EPHA3: variants seen among roughly 807,000 people sequenced by gnomAD.
The protein encoded by EPHA3 is EPH receptor A3.
EPHA3 carries 42 observed loss-of-function variants against 107.1 expected under a neutral mutation model. The ratio of observed to expected loss-of-function variants is 0.39; its 90% CI spans 0.31 to 0.51. The LOEUF (loss-of-function observed/expected upper bound fraction) is 0.51. Ranked by LOEUF, EPHA3 falls within the 20% of genes least tolerant of loss-of-function variation. The probability of loss-of-function intolerance (pLI) is 0.78; values close to 1 mark genes in which losing one functional copy is unlikely to be tolerated. For missense variants in EPHA3, 1,183 were observed against 1,211.2 expected (o/e 0.98, Z 0.35); for synonymous variants, 461 against 424.8 (o/e 1.09, Z -1.05).
chr3:89,108,045 G>T (rs1707015918), intron 1 of EPHA3, among the ~76,000 whole-genome samples: 1 of 152,126 alleles, frequency 6.6e-6, no homozygotes, highest in South Asian at 2.1e-4. Context: ...CTTTGAAAAT[G>T]TGTTTTTAAT....
intron 2 of EPHA3, among the ~76,000 whole-genome samples, chr3:89,182,431 T>C (rs1705461487): frequency 6.6e-6 from 1 of 151,970 alleles, no homozygotes; most frequent in African/African-American, 2.4e-5. Context: ...TAGGAATGCA[T>C]TGATAGCTTG....
At chr3:89,321,765 A>C (rs191206941) in intron 3 of EPHA3, among the ~76,000 whole-genome samples, 1 of 152,222 alleles carries the variant, frequency 6.6e-6, no homozygotes, top group Admixed American at 6.6e-5. Flanking sequence ...AACAGATTGA[A>C]TGTTGTATTA....
rs190413320 is a variant in EPHA3 at position 89,460,188 on chromosome 3, G to A, written c.2690+9818G>A. ...ATGTGTGTGCATATGTGTGTAAAAT[G>A]AAATAGAGAAATAATTTCTTCTTAA... On this transcript the variant is annotated intron_variant, in intron 15 of 16. Transcript: ENST00000336596. Among the ~76,000 whole-genome samples, 460 of 152,202 alleles carry A rather than the reference G, an allele frequency of 3.0e-3. 2 individuals carry two copies. Among genetic ancestry groups the A allele is most frequent in the Middle Eastern group, 6.8e-3 (2 of 294 alleles).
rs575723991 is a variant in EPHA3 at position 89,421,618 on chromosome 3, C to T, written c.2074+2228C>T. On this transcript the variant is annotated intron_variant, in intron 11 of 16. Coordinates refer to ENST00000336596, the MANE Select transcript of EPHA3 (RefSeq NM_005233.6). Reference sequence around the variant, plus strand: ...GTTCTAATTTAAGCTTACTAATAAACTCACTCTATTATTTTGTCAGTCATG... The same window carrying T: ...GTTCTAATTTAAGCTTACTAATAAATTCACTCTATTATTTTGTCAGTCATG... 2.0e-5 allele frequency among the ~76,000 whole-genome samples: 3 copies of T among 151,310 alleles called. No homozygotes were observed. The East Asian group carries it at 5.9e-4, about 30-fold the overall frequency.
intron 3 of EPHA3, among the ~76,000 whole-genome samples, chr3:89,232,372 A>G (rs1021166620): frequency 8.5e-5 from 13 of 152,072 alleles, no homozygotes; most frequent in Non-Finnish European, 1.6e-4. Flanking sequence ...CGGGAGCAGC[A>G]GGTCTTAAGG....
intron 2 of EPHA3, among the ~76,000 whole-genome samples, chr3:89,138,860 A>G (rs1313170741): frequency 2.0e-5 from 3 of 151,886 alleles, no homozygotes; most frequent in Non-Finnish European, 4.4e-5. Flanking sequence ...AGTATTTATT[A>G]TAAAGGCACA....
chr3:89,344,595 T>G (rs1707600409), intron 5 of EPHA3, among the ~76,000 whole-genome samples: 1 of 152,156 alleles, frequency 6.6e-6, no homozygotes, highest in African/African-American at 2.4e-5. Flanking sequence ...CCTTTATTTT[T>G]GTTCTTGTGA....
At chr3:89,423,719 G>A (rs1475061411) in intron 11 of EPHA3, among the ~76,000 whole-genome samples, 1 of 151,370 alleles carries the variant, frequency 6.6e-6, no homozygotes, top group Non-Finnish European at 1.5e-5. Flanking sequence ...TATTTAAACA[G>A]CTTTTGTTAC....
intron 13 of EPHA3, among the ~76,000 whole-genome samples, chr3:89,447,932 G>A (rs7633500): frequency 0.31 from 47,211 of 152,030 alleles, 7,785 homozygotes; most frequent in Non-Finnish European, 0.34. Context: ...TATGAGGTCC[G>A]ATAGAAATCG....
At chr3:89,339,111 G>A (rs921302819) in intron 3 of EPHA3, among the ~76,000 whole-genome samples, 1 of 152,082 alleles carries the variant, frequency 6.6e-6, no homozygotes, top group African/African-American at 2.4e-5. Flanking sequence ...GGTGACTCAC[G>A]CCTGTAATCC....
intron 3 of EPHA3, among the ~76,000 whole-genome samples, chr3:89,210,953 T>G (rs1704062113): frequency 6.6e-6 from 1 of 152,158 alleles, no homozygotes; most frequent in Admixed American, 6.6e-5. Flanking sequence ...TAGCAATATT[T>G]ACTTCATTGC....
chr3:89,424,524 AC>A (rs1025417709), intron 11 of EPHA3, among the ~76,000 whole-genome samples: 53 of 151,046 alleles, frequency 3.5e-4, no homozygotes, highest in African/African-American at 1.2e-3. Context: ...GAAATCTTAA[AC>A]CTTTTTTTTT....
At chr3:89,171,825 T>A (rs993355793) in intron 2 of EPHA3, among the ~76,000 whole-genome samples, 1 of 152,176 alleles carries the variant, frequency 6.6e-6, no homozygotes, top group African/African-American at 2.4e-5. Context: ...AACCACCTTA[T>A]GATCACAACT....
intron 3 of EPHA3, among the ~76,000 whole-genome samples, chr3:89,291,668 A>G (rs1267146143): frequency 1.3e-5 from 2 of 152,138 alleles, no homozygotes; most frequent in Non-Finnish European, 2.9e-5. Context: ...CTTACTATTA[A>G]ATTGCTAACT....
chr3:89,142,320 G>T (rs954336830), intron 2 of EPHA3, among the ~76,000 whole-genome samples: 2 of 151,188 alleles, frequency 1.3e-5, no homozygotes, highest in Admixed American at 1.3e-4. Flanking sequence ...TATATTTACC[G>T]CAATGTTTAA....
At chr3:89,159,454 C>T (rs1704875031) in intron 2 of EPHA3, among the ~76,000 whole-genome samples, 1 of 152,124 alleles carries the variant, frequency 6.6e-6, no homozygotes, top group Non-Finnish European at 1.5e-5. Context: ...GTAATTACCA[C>T]CACCGTTAGT....
At chr3:89,424,428 T>C (rs1709416824) in intron 11 of EPHA3, among the ~76,000 whole-genome samples, 1 of 151,404 alleles carries the variant, frequency 6.6e-6, no homozygotes, top group Non-Finnish European at 1.5e-5. Context: ...AAATGTCACA[T>C]TTAATAGTAA....
chr3:89,449,978 C>T (rs192136569), intron 14 of EPHA3, among the ~76,000 whole-genome samples, 199 bp from the exon 15 acceptor site: 19 of 152,208 alleles, frequency 1.2e-4, no homozygotes, highest in Non-Finnish European at 1.5e-5. Context: ...TTATTTCAAT[C>T]TTCCTTTATA....
chr3:89,318,403 T>TG (rs1266780858), intron 3 of EPHA3, among the ~76,000 whole-genome samples: 2 of 151,840 alleles, frequency 1.3e-5, no homozygotes, highest in Admixed American at 6.6e-5. Flanking sequence ...GTGTGGGGCA[T>TG]GGGGGTATGA....
Sources: allele counts gnomAD v4.1 joint callset (sites outside exome capture counted in the v4.1 genomes callset), GRCh38; gene constraint gnomAD v4.1.1; transcripts MANE v1.5; gene names NCBI Gene and HGNC (gene_info 2026-07-23, HGNC 2026-07-21).